The following SNTB1 variants were observed in gnomAD, a reference collection of about 807,000 sequenced individuals.
SNTB1 encodes the protein syntrophin beta 1.
A neutral mutation model predicts 48.9 loss-of-function variants in SNTB1; 36 were observed. The observed-to-expected ratio is 0.74, with a 90% CI of 0.56 to 0.97. The LOEUF (loss-of-function observed/expected upper bound fraction) is 0.97, where lower values mean the gene tolerates loss of function less well. Ranked by LOEUF, SNTB1 falls within the 50% of genes least tolerant of loss-of-function variation. The probability of loss-of-function intolerance (pLI) is 0.00; values close to 1 mark genes in which losing one functional copy is unlikely to be tolerated. For synonymous variants in SNTB1, 299 were observed against 294.6 expected (o/e 1.01, Z -0.15); for missense variants, 786 against 703.4 (o/e 1.12, Z -1.33).
chr8:120,808,998 G>C (rs943456990), intron 1 of SNTB1, among the ~76,000 whole-genome samples: 2 of 152,098 alleles, frequency 1.3e-5, no homozygotes, highest in African/African-American at 4.8e-5. Context: ...CCTCTCCTAT[G>C]TAGAAACTCT....
intron 5 of SNTB1, among the ~76,000 whole-genome samples, chr8:120,543,479 T>C (rs1306767252): frequency 1.3e-5 from 2 of 152,132 alleles, no homozygotes; most frequent in African/African-American, 4.8e-5. Flanking sequence ...CCCAATATTA[T>C]AGGTGGAAAA....
chr8:120,677,063 CA>C (rs11398062), intron 2 of SNTB1, among the ~76,000 whole-genome samples: 9,766 of 129,640 alleles, frequency 0.075, 865 homozygotes, highest in African/African-American at 0.23. Context: ...GACCCTATCT[CA>C]AAAAAAAAAA....
rs547154887 is a variant in SNTB1 at position 120,811,814 on chromosome 8, AGCCGCCGCC to A, written c.21_29del (p.Ala8_Ala10del). 2.1e-5 allele frequency: 28 copies of A among 1,353,952 alleles called. No homozygotes were observed. The Middle Eastern group carries it at 6.5e-4, about 31-fold the overall frequency. The allele number at this position is 1,353,952 out of a possible 1,614,324, so 83.9% of individuals were successfully genotyped here. A position where few individuals can be genotyped will look rare whatever the true frequency, so the allele number is the denominator to read the frequency against. ...GGCCGCCTCCCGCGCCAGCCGGCCCAGCCGCCGCCGCCGCCGCCGCTACCGCCATCTTTC... is the reference window on the plus strand; with the variant it reads ...GGCCGCCTCCCGCGCCAGCCGGCCCAGCCGCCGCCGCTACCGCCATCTTTC... On this transcript the variant is annotated inframe_deletion, in exon 1 of 7. Coordinates refer to ENST00000517992, the MANE Select transcript of SNTB1 (RefSeq NM_021021.4).
chr8:120,589,231 C>G (rs1224524168), intron 3 of SNTB1, among the ~76,000 whole-genome samples: 1 of 152,192 alleles, frequency 6.6e-6, no homozygotes, highest in African/African-American at 2.4e-5. Flanking sequence ...ACCATTTAGC[C>G]AGTGTCTACA....
chr8:120,650,643 A>T (rs1038375250), intron 2 of SNTB1, among the ~76,000 whole-genome samples: 1 of 152,216 alleles, frequency 6.6e-6, no homozygotes, highest in Non-Finnish European at 1.5e-5. Context: ...GGGTGATTTT[A>T]TACCTATATA....
intron 1 of SNTB1, among the ~76,000 whole-genome samples, chr8:120,699,201 C>G (rs1013779969): frequency 6.6e-6 from 1 of 152,194 alleles, no homozygotes; most frequent in Admixed American, 6.5e-5. Flanking sequence ...GAAAAACACA[C>G]CATCCTTCTT....
At chr8:120,738,625 A>T (rs142310945) in intron 1 of SNTB1, among the ~76,000 whole-genome samples, 1 of 147,776 alleles carries the variant, frequency 6.8e-6, no homozygotes, top group Non-Finnish European at 1.5e-5. Context: ...ACTCACAATC[A>T]TCCATCCTAG....
intron 1 of SNTB1, among the ~76,000 whole-genome samples, chr8:120,744,182 A>G (rs2130013991): frequency 6.6e-6 from 1 of 151,002 alleles, no homozygotes; most frequent in African/African-American, 2.5e-5. Context: ...GGGGAAATTC[A>G]GGTCTTCACT....
At position 120,675,786 on chromosome 8, in the gene SNTB1, C is replaced by G. The variant is rs560938792; in HGVS notation, c.788+17906G>C. 7.2e-4 allele frequency among the ~76,000 whole-genome samples: 110 copies of G among 152,292 alleles called. 1 individual carries two copies. Among genetic ancestry groups the G allele is most frequent in the Admixed American group, 1.8e-3 (27 of 15,306 alleles). ...GGTAAACTATCTTTGCCACAATTCC[C>G]CAAACCATAGTCAGGGCACAGAGTT... On this transcript the variant is annotated intron_variant, in intron 2 of 6. Coordinates refer to ENST00000517992, the MANE Select transcript of SNTB1 (RefSeq NM_021021.4).
intron 1 of SNTB1, among the ~76,000 whole-genome samples, chr8:120,752,987 GAA>G (rs60198716): frequency 1.6e-4 from 12 of 76,556 alleles, no homozygotes; most frequent in Middle Eastern, 5.5e-3. Flanking sequence ...AAAGCTGGAA[GAA>G]AAAAAAAAAA....
chr8:120,719,357 A>C lies in SNTB1; in HGVS notation c.572-25449T>G, dbSNP rs1348377810. ...TTCCTGCCCTAAAACATTGGACTTC[A>C]AGTTCTTCAGCTTTGGGACTTGGAC... On this transcript the variant is annotated intron_variant, in intron 1 of 6. Coordinates refer to ENST00000517992, the MANE Select transcript of SNTB1 (RefSeq NM_021021.4). Among the ~76,000 whole-genome samples, 3 of 152,096 alleles carry C rather than the reference A, an allele frequency of 2.0e-5. No individual in the cohort carries two copies. The South Asian group carries it at 6.2e-4, about 32-fold the overall frequency.
In SNTB1 at chr8:120,552,149, A is replaced by G. The variant is rs549979934; in HGVS notation, c.1137-3191T>C. On this transcript the variant is annotated intron_variant, in intron 4 of 6. Coordinates refer to ENST00000517992, the MANE Select transcript of SNTB1 (RefSeq NM_021021.4). ...GAGTTTCTGTGAATTTCCTACCAATATTTATTTTTCTCCAGAGAGACTATA... is the reference window on the plus strand; with the variant it reads ...GAGTTTCTGTGAATTTCCTACCAATGTTTATTTTTCTCCAGAGAGACTATA... Among the ~76,000 whole-genome samples the G allele has an allele frequency of 3.9e-4, 60 of 152,288 alleles. No individual in the cohort carries two copies. The South Asian group carries it at 6.6e-3, about 17-fold the overall frequency.
At chr8:120,568,958 T>C (rs1170298458) in intron 4 of SNTB1, among the ~76,000 whole-genome samples, 2 of 152,202 alleles carry the variant, frequency 1.3e-5, no homozygotes, top group Non-Finnish European at 2.9e-5. Context: ...CTGATTTTTT[T>C]CTTTTTACTA....
intron 2 of SNTB1, among the ~76,000 whole-genome samples, chr8:120,682,880 G>GTTTTTTT (rs759021409): frequency 7.9e-6 from 1 of 127,384 alleles, no homozygotes; most frequent in African/African-American, 3.1e-5. Flanking sequence ...TTTGTTTTTA[G>GTTTTTTT]TTTTTTTTTT....
At chr8:120,585,840 C>G (rs1272252813) in intron 3 of SNTB1, among the ~76,000 whole-genome samples, 1 of 152,144 alleles carries the variant, frequency 6.6e-6, no homozygotes. Context: ...TCAAACATGT[C>G]ATATGTTTAA....
At chr8:120,760,059 TG>T (rs1723995746) in intron 1 of SNTB1, among the ~76,000 whole-genome samples, 1 of 152,190 alleles carries the variant, frequency 6.6e-6, no homozygotes, top group African/African-American at 2.4e-5. Context: ...CATAAACAAA[TG>T]AGAATGGCCA....
chr8:120,632,392 C>T (rs1816997378), intron 3 of SNTB1, 52 bp downstream of exon 3: 1 of 1,522,958 alleles, frequency 6.6e-7, no homozygotes, highest in African/African-American at 1.4e-5. Context: ...GTTATGAGCG[C>T]TGGGGGAATC....
In SNTB1 at chr8:120,811,807, C is replaced by A; in HGVS notation, c.37G>T (p.Ala13Ser). The change falls in exon 1 of 7, where the codon GCT becomes TCT. Residue 13 changes from alanine to serine, a missense_variant. Transcript: ENST00000517992. ...VAAAAAAAGP[A>S]GAGGGRAQRS... ...TGCGCCCGGCCGCCTCCCGCGCCAGCCGGCCCAGCCGCCGCCGCCGCCGCC... is the reference window on the plus strand; with the variant it reads ...TGCGCCCGGCCGCCTCCCGCGCCAGACGGCCCAGCCGCCGCCGCCGCCGCC... 1 of 1,371,108 alleles carries A rather than the reference C, an allele frequency of 7.3e-7. No individual in the cohort carries two copies. Among genetic ancestry groups the A allele is most frequent in the Non-Finnish European group, 9.4e-7 (1 of 1,065,952 alleles). 84.9% of individuals were successfully genotyped at this position (1,371,108 alleles called of 1,614,324 possible).
intron 4 of SNTB1, among the ~76,000 whole-genome samples, chr8:120,564,114 A>AC (rs1563818286): frequency 6.9e-6 from 1 of 145,702 alleles, no homozygotes; most frequent in African/African-American, 2.5e-5. Context: ...GTCTCAAACA[A>AC]AAAAAAAAAA....
Sources: allele counts gnomAD v4.1 joint callset (sites outside exome capture counted in the v4.1 genomes callset), GRCh38; gene constraint gnomAD v4.1.1; transcripts MANE v1.5; gene names NCBI Gene and HGNC (gene_info 2026-07-23, HGNC 2026-07-21).